The following MYO19 variants were observed in gnomAD, a reference collection of about 807,000 sequenced individuals.
MYO19 encodes myosin XIX.
MYO19 carries 132 observed loss-of-function variants against 129.2 expected under a neutral mutation model. That is an observed-to-expected ratio of 1.02 (90% CI 0.89 to 1.18). MYO19 has a LOEUF of 1.18. Ranked by LOEUF, MYO19 falls within the 50% of genes most tolerant of loss-of-function variation. MYO19 has a pLI of 0.00. For missense variants in MYO19, 1,210 were observed against 1,216.7 expected, an observed-to-expected ratio of 0.99 and a Z score of 0.08; for synonymous variants, 531 against 477.2, an observed-to-expected ratio of 1.11 and a Z score of -1.47.
chr17:36,529,861 C>T (rs896581289), intron 3 of MYO19, among the ~76,000 whole-genome samples: 2 of 152,198 alleles, frequency 1.3e-5, no homozygotes, highest in Admixed American at 6.5e-5. Context: ...CTATCTCTTA[C>T]AGTTATATAC....
At position 36,506,946 on chromosome 17, in the gene MYO19, C is replaced by T; in HGVS notation, c.1644+17G>A. 6.4e-7 allele frequency: 1 copy of T among 1,568,234 alleles called. No individual in the cohort carries two copies. On this transcript the variant is annotated intron_variant, in intron 17 of 25. Transcript: ENST00000614623. ...CTCGTTTCTCGCAGGCCCCACAGGG[C>T]ATGGCCCAGCCCGTACCTTGTTCTT...
At chr17:36,502,700 CCA>C (rs2071615984) in intron 21 of MYO19, 1 of 207,286 alleles carries the variant, frequency 4.8e-6, no homozygotes. Context: ...CTCACCTGCC[CCA>C]GTTCTCTGCC....
In MYO19 at chr17:36,508,027, T is replaced by G. The variant is rs373407289; in HGVS notation, c.1232-103A>C. 3.1e-6 allele frequency: 4 copies of G among 1,300,374 alleles called. No homozygotes were observed. In the African/African-American group the frequency reaches 4.5e-5, roughly 15 times the overall value. The allele number at this position is 1,300,374 out of a possible 1,614,324, so 80.6% of individuals were successfully genotyped here. ...CTGGGCCCCTGCCAATGCCTTATAC[T>G]TGGCAGCCTGGGCATCAGGCTGAGT... On this transcript the variant is annotated intron_variant, in intron 14 of 25. Coordinates refer to ENST00000614623, the MANE Select transcript of MYO19 (RefSeq NM_001163735.2).
chr17:36,519,561 T>G (rs1199597184), intron 6 of MYO19, among the ~76,000 whole-genome samples: 1 of 152,138 alleles, frequency 6.6e-6, no homozygotes, highest in African/African-American at 2.4e-5. Flanking sequence ...TTGATTAAAT[T>G]TGGCATTTTA....
At position 36,508,179 on chromosome 17, in the gene MYO19, C is replaced by A. The variant is rs1367230941; in HGVS notation, c.1232-255G>T. On this transcript the variant is annotated intron_variant, in intron 14 of 25. Coordinates refer to ENST00000614623, the MANE Select transcript of MYO19 (RefSeq NM_001163735.2). ...AAACCCAAATGAAGTGTGAAGACAG[C>A]CCAGAGCATCAGGCCCATTTTTGAG... 5 of 334,370 alleles carry A rather than the reference C, an allele frequency of 1.5e-5. No homozygotes were observed. The East Asian group carries it at 2.4e-4, about 16-fold the overall frequency. The allele number at this position is 334,370 out of a possible 1,614,324, so 20.7% of individuals were successfully genotyped here. A position where few individuals can be genotyped will look rare whatever the true frequency, so the allele number is the denominator to read the frequency against.
Position 36,506,547 on chromosome 17 carries a change from C to T in MYO19, c.1706G>A (p.Gly569Glu), listed in dbSNP as rs2071901535. The change falls in exon 18 of 26, where the codon GGG becomes GAG. Residue 569 changes from glycine (G) to glutamate (E), a missense_variant. Gly to Glu is a moderately conservative substitution (Grantham distance 98). Coordinates refer to ENST00000614623, the MANE Select transcript of MYO19 (RefSeq NM_001163735.2). ...LQQSQDPLLM[G>E]LFPTNPKEKT... ...CTCTTTGGGGTTAGTAGGAAACAGC[C>T]CCATGAGCAGGGGGTCCTGGGATTG... The T allele has an allele frequency of 2.5e-6, 4 of 1,588,546 alleles. No homozygotes were observed. The highest frequency in any genetic ancestry group is 2.6e-6 in the Non-Finnish European group (3 of 1,170,520).
rs747539948 is a variant in MYO19 at position 36,498,266 on chromosome 17, C to G, written c.2757G>C (p.Gln919His). 6.2e-7 allele frequency: 1 copy of G among 1,609,862 alleles called. No individual in the cohort carries two copies. The highest frequency in any genetic ancestry group is 8.5e-7 in the Non-Finnish European group (1 of 1,177,806). ...AGVTSIRALP[Q>H]GSIKFHCRKS... ...GTCATGGCCATCACACACAACGTAC[C>G]TGAGGCAGCGCTCGGATGGACGTGA... Residue 919 changes from glutamine to histidine, a missense_variant and splice_region_variant, in exon 25 of 26, where the codon CAG becomes CAC. Coordinates refer to ENST00000614623, the MANE Select transcript of MYO19 (RefSeq NM_001163735.2).
At chr17:36,500,678 G>C in intron 23 of MYO19, 152 bp downstream of exon 23, 1 of 1,087,152 alleles carries the variant, frequency 9.2e-7, no homozygotes, top group South Asian at 1.6e-5. Flanking sequence ...GAGTGAGGGG[G>C]ACAGGGAATT....
chr17:36,517,238 TGACTGGA>T (rs1458615998), intron 6 of MYO19, among the ~76,000 whole-genome samples: 3 of 152,354 alleles, frequency 2.0e-5, no homozygotes, highest in Admixed American at 6.5e-5. Flanking sequence ...TTTATAAGTC[TGACTGGA>T]GAGTTATCAT....
intron 3 of MYO19, 142 bp from the exon 4 acceptor site, chr17:36,528,344 TA>T (rs1274722501): frequency 9.9e-5 from 87 of 882,300 alleles, no homozygotes; most frequent in South Asian, 1.2e-4. Flanking sequence ...CCGTCTCTAC[TA>T]AAAAAAATTC....
intron 5 of MYO19, among the ~76,000 whole-genome samples, chr17:36,527,292 C>G (rs1220727461): frequency 6.6e-6 from 1 of 151,870 alleles, no homozygotes. Flanking sequence ...AAAAAAAATC[C>G]TTTCTCTTAT....
intron 21 of MYO19, chr17:36,501,476 T>C (rs2071528003): frequency 2.3e-6 from 1 of 429,734 alleles, no homozygotes; most frequent in East Asian, 3.6e-5. Context: ...TGTCCTGGGG[T>C]GTCCCACAGC....
intron 6 of MYO19, 37 bp from the exon 7 acceptor site, chr17:36,516,027 G>C (rs1311192820): frequency 6.3e-7 from 1 of 1,578,612 alleles, no homozygotes; most frequent in East Asian, 2.3e-5. Context: ...CTGTATCTAT[G>C]CTCCCGCCCA....
At chr17:36,518,512 A>G (rs2072913139) in intron 6 of MYO19, among the ~76,000 whole-genome samples, 1 of 78,728 alleles carries the variant, frequency 1.3e-5, no homozygotes, top group African/African-American at 5.5e-5. Context: ...AAAAAAAAAA[A>G]AAAAAAAAAA....
chr17:36,506,141 C>T (rs2071867983), intron 18 of MYO19, among the ~76,000 whole-genome samples: 1 of 152,128 alleles, frequency 6.6e-6, no homozygotes, highest in Admixed American at 6.5e-5. Context: ...GGAAGCTAGA[C>T]AGCTGGAGAT....
In MYO19 at chr17:36,513,736, G is replaced by A. The variant is rs763708223; in HGVS notation, c.721-11C>T. On this transcript the variant is annotated splice_polypyrimidine_tract_variant and intron_variant, in intron 9 of 25. Transcript: ENST00000614623. ...GGCTCCTTTGCAAATCTGTGGAGAAGGGTAGGTGGGAGGCTGGGTAGGGGG... is the reference window on the plus strand; with the variant it reads ...GGCTCCTTTGCAAATCTGTGGAGAAAGGTAGGTGGGAGGCTGGGTAGGGGG... The A allele has an allele frequency of 6.2e-7, 1 of 1,611,606 alleles. No homozygotes were observed.
chr17:36,525,164 A>T, intron 6 of MYO19, 64 bp downstream of exon 6: 1 of 1,215,650 alleles, frequency 8.2e-7, no homozygotes. Context: ...CCAAGGAATG[A>T]CCCCTGCCTC....
rs2070947460 is a variant in MYO19 at position 36,496,167 on chromosome 17, T to C, written c.*84A>G. The C allele has an allele frequency of 2.6e-6, 4 of 1,531,688 alleles. No homozygotes were observed. The highest frequency in any genetic ancestry group is 1.8e-6 in the Non-Finnish European group (2 of 1,118,684). 94.9% of individuals were successfully genotyped at this position (1,531,688 alleles called of 1,614,324 possible). A position where few individuals can be genotyped will look rare whatever the true frequency, so the allele number is the denominator to read the frequency against. On this transcript the variant is annotated 3_prime_UTR_variant, in exon 26 of 26. Coordinates refer to ENST00000614623, the MANE Select transcript of MYO19 (RefSeq NM_001163735.2). ...ATGTGCATTTGGAGCACTGTGGGAA[T>C]AGTCTGGCAGCTGTGTGCTGATTAA...
At position 36,499,147 on chromosome 17, in the gene MYO19, C is replaced by T; in HGVS notation, c.2391G>A (p.Trp797Ter). ...GCCTCTGGATGTGTTTCCGAGTTAA[C>T]CAGGAACGAATGGCTAAGAGGTTTG... ...VMLIQAAIRS[W>*]LTRKHIQRLH... Residue 797 changes from tryptophan (W) to a stop codon, truncating the protein, a stop_gained, in exon 24 of 26, where the codon TGG becomes TGA. Coordinates refer to ENST00000614623, the MANE Select transcript of MYO19 (RefSeq NM_001163735.2). LOFTEE classifies it high-confidence loss of function. 6.2e-7 allele frequency: 1 copy of T among 1,606,320 alleles called. No homozygotes were observed. Among genetic ancestry groups the T allele is most frequent in the South Asian group, 1.1e-5 (1 of 89,384 alleles).
Sources: allele counts gnomAD v4.1 joint callset (sites outside exome capture counted in the v4.1 genomes callset), GRCh38; gene constraint gnomAD v4.1.1; transcripts MANE v1.5; gene names NCBI Gene and HGNC (gene_info 2026-07-23, HGNC 2026-07-21).